The following DNAH11 variants were observed in gnomAD, a reference collection of about 807,000 sequenced individuals.
DNAH11 encodes dynein axonemal heavy chain 11.
In DNAH11, 442 loss-of-function variants were observed where a neutral mutation model predicts 526.0. The ratio of observed to expected loss-of-function variants is 0.84; its 90% confidence interval spans 0.78 to 0.91. The LOEUF (loss-of-function observed/expected upper bound fraction) is 0.91. DNAH11 is among the 40% of genes least tolerant of loss of function. DNAH11 has a pLI of 0.00. For synonymous variants in DNAH11, 2,461 were observed against 1,935.9 expected, an observed-to-expected ratio of 1.27 and a Z score of -7.12; for missense variants, 6,989 against 5,448.7, an observed-to-expected ratio of 1.28 and a Z score of -8.90.
chr7:21,880,852 T>G lies in DNAH11; in HGVS notation c.12346T>G (p.Cys4116Gly). 1 of 1,613,506 alleles carries G rather than the reference T, an allele frequency of 6.2e-7. No homozygotes were observed. Among genetic ancestry groups the G allele is most frequent in the Non-Finnish European group, 8.5e-7 (1 of 1,179,768 alleles). ...TTTTAATCCTGGAGACCTCACCATT[T>G]GTGCCAGTGTCCTCTACAACTACTT... ...YPFNPGDLTI[C>G]ASVLYNYLEA... Residue 4116 changes from cysteine to glycine, a missense_variant, in exon 75 of 82, where the codon TGT becomes GGT. Coordinates refer to ENST00000409508, the MANE Select transcript of DNAH11 (RefSeq NM_001277115.2).
intron 45 of DNAH11, among the ~76,000 whole-genome samples, chr7:21,726,698 A>G (rs185596217): frequency 2.7e-3 from 411 of 150,198 alleles, no homozygotes; most frequent in African/African-American, 9.7e-3. Flanking sequence ...CATCTCTACT[A>G]AAAATACAAA....
chr7:21,815,728 T>G (rs991797577), intron 63 of DNAH11, among the ~76,000 whole-genome samples: 2 of 152,226 alleles, frequency 1.3e-5, no homozygotes, highest in African/African-American at 4.8e-5. Context: ...TGGTGATTGA[T>G]GACTGGCGGA....
intron 62 of DNAH11, among the ~76,000 whole-genome samples, chr7:21,806,488 C>G (rs964414316): frequency 6.6e-6 from 1 of 152,106 alleles, no homozygotes; most frequent in South Asian, 2.1e-4. Context: ...ATCTTGAAAC[C>G]ACTTTGATAA....
intron 65 of DNAH11, among the ~76,000 whole-genome samples, chr7:21,834,743 G>A (rs1207846919): frequency 6.6e-6 from 1 of 152,066 alleles, no homozygotes. Context: ...CTACCTGGAG[G>A]CCGAGGCAGG....
chr7:21,766,038 T>C (rs754708282), intron 55 of DNAH11, among the ~76,000 whole-genome samples: 1 of 152,188 alleles, frequency 6.6e-6, no homozygotes, highest in African/African-American at 2.4e-5. Flanking sequence ...GTTATTCTCA[T>C]AGTAGCAATA....
chr7:21,667,460 G>A (rs577171891), intron 30 of DNAH11, among the ~76,000 whole-genome samples: 21 of 152,250 alleles, frequency 1.4e-4, no homozygotes, highest in African/African-American at 5.1e-4. Context: ...ATAAAATGGT[G>A]TTTATAAAAA....
intron 2 of DNAH11, 40 bp from the exon 3 acceptor site, chr7:21,558,762 T>C (rs1464632455): frequency 1.4e-6 from 2 of 1,457,354 alleles, no homozygotes; most frequent in Admixed American, 2.5e-5. Flanking sequence ...AAGGAATGCA[T>C]TGTCTGTAAA....
chr7:21,792,980 T>A (rs1049114809), intron 61 of DNAH11, among the ~76,000 whole-genome samples: 1 of 152,170 alleles, frequency 6.6e-6, no homozygotes, highest in Non-Finnish European at 1.5e-5. Flanking sequence ...TATTTGAATG[T>A]TGTTTATTTT....
intron 28 of DNAH11, among the ~76,000 whole-genome samples, chr7:21,642,534 C>T (rs969449894): frequency 6.6e-5 from 10 of 152,080 alleles, no homozygotes; most frequent in Non-Finnish European, 1.2e-4. Flanking sequence ...TTAGTCTTTC[C>T]GTCCATGCCT....
chr7:21,892,563 G>A lies in DNAH11; in HGVS notation c.12646G>A (p.Glu4216Lys). 6.2e-7 allele frequency: 1 copy of A among 1,613,984 alleles called. No homozygotes were observed. The highest frequency in any genetic ancestry group is 1.3e-5 in the African/African-American group (1 of 75,048). ...LYGLHPNAEI[E>K]FLTVTSNTLF... ...TGGCCTCCACCCAAATGCTGAAATA[G>A]AATTCCTGACAGTGACATCCAACAC... is the stretch of plus-strand genomic sequence containing the variant. Residue 4216 changes from glutamate to lysine, a missense_variant, in exon 77 of 82, where the codon GAA (glutamate) becomes AAA (lysine). Coordinates refer to ENST00000409508, the MANE Select transcript of DNAH11 (RefSeq NM_001277115.2).
intron 30 of DNAH11, among the ~76,000 whole-genome samples, chr7:21,663,232 C>A (rs556059634): frequency 1.4e-4 from 21 of 152,136 alleles, no homozygotes; most frequent in African/African-American, 5.1e-4. Flanking sequence ...CCGTCAGTGG[C>A]CACTTAGGTT....
intron 56 of DNAH11, among the ~76,000 whole-genome samples, chr7:21,776,557 A>G (rs1202551484): frequency 6.6e-6 from 1 of 152,188 alleles, no homozygotes; most frequent in Non-Finnish European, 1.5e-5. Flanking sequence ...AGCACCTTTT[A>G]TAGCCAAATA....
chr7:21,895,083 A>G lies in DNAH11; in HGVS notation c.13049+84A>G, dbSNP rs1009131380. 8.1e-6 allele frequency: 9 copies of G among 1,114,950 alleles called. No homozygotes were observed. In the African/African-American group the frequency reaches 9.2e-5, roughly 11 times the overall value. 69.1% of individuals were successfully genotyped at this position (1,114,950 alleles called of 1,614,324 possible). A position where few individuals can be genotyped will look rare whatever the true frequency, so the allele number is the denominator to read the frequency against. The stretch of plus-strand genomic sequence containing the variant: ...TTCTGAATAATGCTTCCTAAGAACT[A>G]TGCAGACGGAGCTTTGTGACTGTTC... On this transcript the variant is annotated intron_variant, in intron 79 of 81. Coordinates refer to ENST00000409508, the MANE Select transcript of DNAH11 (RefSeq NM_001277115.2).
chr7:21,651,583 T>A (rs1293337421), intron 28 of DNAH11, among the ~76,000 whole-genome samples: 1 of 152,226 alleles, frequency 6.6e-6, no homozygotes, highest in Non-Finnish European at 1.5e-5. Flanking sequence ...GATCACTGTA[T>A]GCATTTTAAA....
intron 1 of DNAH11, among the ~76,000 whole-genome samples, chr7:21,544,651 G>T (rs1341017991): frequency 1.3e-5 from 2 of 148,964 alleles, no homozygotes; most frequent in African/African-American, 2.5e-5. Flanking sequence ...AACCAGAGAA[G>T]AGTATAAAAA....
chr7:21,793,615 C>CA (rs35648252), intron 61 of DNAH11, among the ~76,000 whole-genome samples: 2,187 of 105,960 alleles, frequency 0.021, 64 homozygotes, highest in African/African-American at 0.06. Flanking sequence ...GACTCTGTCT[C>CA]AAAAAAAAAA....
chr7:21,572,561 G>C (rs1019346648), intron 8 of DNAH11, among the ~76,000 whole-genome samples: 19 of 152,164 alleles, frequency 1.2e-4, no homozygotes, highest in Non-Finnish European at 4.4e-5. Flanking sequence ...GATAAAAATA[G>C]CTTCATTTTA....
intron 55 of DNAH11, 69 bp downstream of exon 55, chr7:21,765,658 A>ACACACACACC: frequency 7.3e-7 from 1 of 1,362,876 alleles, no homozygotes; most frequent in Non-Finnish European, 9.6e-7. Flanking sequence ...ACACACACAC[A>ACACACACACC]CTCTGAAAAT....
At position 21,739,619 on chromosome 7, in the gene DNAH11, T is replaced by TCA. The variant is rs759715753; in HGVS notation, c.7860_7861insCA (p.Val2621GlnfsTer5). 1 of 1,613,102 alleles carries TCA rather than the reference T, an allele frequency of 6.2e-7. No homozygotes were observed. Among genetic ancestry groups the TCA allele is most frequent in the South Asian group, 1.1e-5 (1 of 90,696 alleles). Reference sequence around the variant, plus strand: ...TTAAAGAAATCCATAACTGCCAGTATGTCGCCTGCATGAATCCGATGGTGG... The same window carrying TCA: ...TTAAAGAAATCCATAACTGCCAGTATCAGTCGCCTGCATGAATCCGATGGTGG... On this transcript the variant is annotated frameshift_variant, in exon 48 of 82. Coordinates refer to ENST00000409508, the MANE Select transcript of DNAH11 (RefSeq NM_001277115.2). LOFTEE classifies it high-confidence loss of function.
Sources: gnomAD v4.1 joint callset for allele counts (sites outside exome capture counted in the v4.1 genomes callset) on GRCh38, gnomAD v4.1.1 for gene constraint, MANE v1.5 for transcripts, NCBI Gene and HGNC (gene_info 2026-07-23, HGNC 2026-07-21) for gene names.